Variants in CHN1 observed in about 807,000 individuals in gnomAD.
CHN1 encodes the protein chimerin 1.
Under a neutral mutation model 59.5 loss-of-function variants are expected in CHN1, and 37 were observed. The ratio of observed to expected loss-of-function variants is 0.62; its 90% CI spans 0.48 to 0.82. The LOEUF is 0.82. CHN1 is among the 40% of genes least tolerant of loss of function. The pLI is 0.00. For synonymous variants in CHN1, 206 were observed against 200.4 expected (o/e 1.03, Z -0.24); for missense variants, 469 against 571.0 (o/e 0.82, Z 1.82).
chr2:174,890,531 G>A (rs984424329), intron 5 of CHN1, among the ~76,000 whole-genome samples: 3 of 151,558 alleles, frequency 2.0e-5, no homozygotes, highest in Non-Finnish European at 4.4e-5. Context: ...TCTTTAAAAA[G>A]AAGAAGAAGA....
chr2:174,999,392 G>A (rs950374037), intron 1 of CHN1, among the ~76,000 whole-genome samples: 1 of 152,086 alleles, frequency 6.6e-6, no homozygotes, highest in African/African-American at 2.4e-5. Context: ...CATAGCAAAG[G>A]ACCTCATCTT....
intron 7 of CHN1, among the ~76,000 whole-genome samples, chr2:174,833,123 TATAA>T (rs1159555396): frequency 6.6e-6 from 1 of 152,160 alleles, no homozygotes; most frequent in East Asian, 1.9e-4. Flanking sequence ...TGGAGTACTC[TATAA>T]ATATCAGTTA....
At chr2:174,910,215 C>T (rs1688651130) in intron 5 of CHN1, among the ~76,000 whole-genome samples, 1 of 152,044 alleles carries the variant, frequency 6.6e-6, no homozygotes, top group Non-Finnish European at 1.5e-5. Flanking sequence ...TAGTGAAATA[C>T]ATACAATGTT....
intron 1 of CHN1, among the ~76,000 whole-genome samples, chr2:174,955,256 C>CAT (rs1316714158): frequency 3.3e-4 from 49 of 147,608 alleles, no homozygotes; most frequent in East Asian, 9.9e-4. Flanking sequence ...AATAGATAGA[C>CAT]ATATATATAT....
intron 7 of CHN1, among the ~76,000 whole-genome samples, chr2:174,838,234 C>T (rs991260320): frequency 6.6e-6 from 1 of 152,116 alleles, no homozygotes; most frequent in African/African-American, 2.4e-5. Flanking sequence ...GCTGGGATTA[C>T]AGGCATGCAC....
chr2:174,938,365 G>T (rs1165242989), intron 3 of CHN1, among the ~76,000 whole-genome samples: 1 of 135,182 alleles, frequency 7.4e-6, no homozygotes, highest in East Asian at 2.1e-4. Flanking sequence ...GGACATTCAA[G>T]TTACTTAGTT....
At chr2:174,936,257 A>T (rs867538143) in intron 3 of CHN1, among the ~76,000 whole-genome samples, 242 of 152,290 alleles carry the variant, frequency 1.6e-3, no homozygotes, top group Non-Finnish European at 3.0e-3. Context: ...TATATGTTTA[A>T]AAAAAATCAT....
rs559319246 is a variant in CHN1 at position 174,984,462 on chromosome 2, C to G, written c.19+20432G>C. On this transcript the variant is annotated intron_variant, in intron 1 of 12. Transcript: ENST00000409900. ...TGGCTCATTGCAACCTCTGCCTCTCCGGTTGAAGCGATTCTCCTGCCTCAG... is the reference window on the plus strand; with the variant it reads ...TGGCTCATTGCAACCTCTGCCTCTCGGGTTGAAGCGATTCTCCTGCCTCAG... 2.7e-5 allele frequency among the ~76,000 whole-genome samples: 4 copies of G among 150,840 alleles called. No homozygotes were observed. The South Asian group carries it at 8.4e-4, about 32-fold the overall frequency.
At chr2:174,996,610 C>T (rs2105469454) in intron 1 of CHN1, among the ~76,000 whole-genome samples, 1 of 152,196 alleles carries the variant, frequency 6.6e-6, no homozygotes, top group East Asian at 1.9e-4. Context: ...CCCTTACCAC[C>T]AAATCCAAGC....
intron 1 of CHN1, among the ~76,000 whole-genome samples, chr2:174,981,100 A>G (rs977873838): frequency 9.9e-5 from 15 of 152,202 alleles, no homozygotes; most frequent in Admixed American, 9.2e-4. Flanking sequence ...TGATCAAATG[A>G]TATTTTTCAA....
At chr2:174,883,479 T>C (rs1687796193) in intron 5 of CHN1, among the ~76,000 whole-genome samples, 1 of 152,192 alleles carries the variant, frequency 6.6e-6, no homozygotes, top group Non-Finnish European at 1.5e-5. Flanking sequence ...GGAAATCTGA[T>C]CAACTCAACA....
chr2:174,928,456 G>A (rs1287639446), intron 3 of CHN1, among the ~76,000 whole-genome samples: 2 of 152,120 alleles, frequency 1.3e-5, no homozygotes, highest in Non-Finnish European at 2.9e-5. Flanking sequence ...CACGTTAAAA[G>A]TTTAATTGTA....
chr2:174,994,720 G>A (rs1691651644), intron 1 of CHN1, among the ~76,000 whole-genome samples: 2 of 152,096 alleles, frequency 1.3e-5, no homozygotes, highest in African/African-American at 4.8e-5. Flanking sequence ...GAAGGGATAG[G>A]GACATGATGG....
intron 3 of CHN1, among the ~76,000 whole-genome samples, chr2:174,921,358 G>A (rs138929585): frequency 9.3e-4 from 141 of 152,218 alleles, no homozygotes; most frequent in Admixed American, 3.5e-3. Flanking sequence ...TCTCCGAGTG[G>A]AAAAACTAGT....
intron 1 of CHN1, among the ~76,000 whole-genome samples, chr2:175,000,243 G>A (rs536744786): frequency 1.3e-5 from 2 of 150,660 alleles, no homozygotes; most frequent in African/African-American, 4.9e-5. Context: ...TGGGGTTCAA[G>A]CGATTCTCCT....
At chr2:174,801,068 T>G (rs1219695945) in intron 12 of CHN1, among the ~76,000 whole-genome samples, 3 of 152,226 alleles carry the variant, frequency 2.0e-5, no homozygotes, top group Non-Finnish European at 4.4e-5. Context: ...CACTAAAACT[T>G]GGTCGTGTAA....
At chr2:174,809,071 T>C in intron 10 of CHN1, 29 bp from the exon 11 acceptor site, 1 of 1,580,644 alleles carries the variant, frequency 6.3e-7, no homozygotes, top group Non-Finnish European at 8.6e-7. Context: ...GAAATAAAAG[T>C]AAATATCTGG....
chr2:174,942,232 A>G (rs945656804), intron 3 of CHN1, among the ~76,000 whole-genome samples: 1 of 152,192 alleles, frequency 6.6e-6, no homozygotes, highest in Non-Finnish European at 1.5e-5. Flanking sequence ...AGCATTTTTC[A>G]CAATAGCCAA....
intron 6 of CHN1, among the ~76,000 whole-genome samples, chr2:174,861,925 G>A (rs191848174): frequency 6.6e-6 from 1 of 152,076 alleles, no homozygotes; most frequent in East Asian, 1.9e-4. Context: ...GAACATTTTT[G>A]GATAAATAAA....
Sources: allele counts gnomAD v4.1 joint callset (sites outside exome capture counted in the v4.1 genomes callset), GRCh38; gene constraint gnomAD v4.1.1; transcripts MANE v1.5; gene names NCBI Gene and HGNC (gene_info 2026-07-23, HGNC 2026-07-21).